CTNNAL1: variants seen among roughly 807,000 people sequenced by gnomAD.
CTNNAL1 encodes the protein catenin alpha like 1.
CTNNAL1 carries 69 observed loss-of-function variants against 93.6 expected under a neutral mutation model. The observed-to-expected ratio is 0.74, with a 90% CI of 0.61 to 0.90. The LOEUF is 0.90. Among genes scored for constraint, CTNNAL1 ranks in the 40% least tolerant of loss-of-function variants. The pLI, the probability that CTNNAL1 is intolerant of heterozygous loss-of-function variation, is 0.00. For synonymous variants in CTNNAL1, 286 were observed against 305.4 expected, an observed-to-expected ratio of 0.94 and a Z score of 0.66; for missense variants, 836 against 862.0, an observed-to-expected ratio of 0.97 and a Z score of 0.38.
chr9:108,973,897 G>A (rs1169787515), intron 8 of CTNNAL1, among the ~76,000 whole-genome samples: 1 of 152,092 alleles, frequency 6.6e-6, no homozygotes, highest in Non-Finnish European at 1.5e-5. Context: ...GCAACTAAGT[G>A]AGAATAATTA....
intron 14 of CTNNAL1, among the ~76,000 whole-genome samples, chr9:108,949,297 A>G (rs1161350823): frequency 2.0e-5 from 3 of 152,180 alleles, no homozygotes; most frequent in Admixed American, 6.5e-5. Flanking sequence ...GCAACCCCTC[A>G]TGTTTCCCAG....
At chr9:108,972,959 A>G in intron 8 of CTNNAL1, 126 bp from the exon 9 acceptor site, 2 of 1,181,574 alleles carry the variant, frequency 1.7e-6, no homozygotes, top group Non-Finnish European at 2.3e-6. Context: ...CTATTAATAA[A>G]GAGAAGCCGC....
chr9:108,953,843 CAG>C (rs111992866), intron 12 of CTNNAL1, among the ~76,000 whole-genome samples: 32 of 151,764 alleles, frequency 2.1e-4, no homozygotes, highest in African/African-American at 6.8e-4. Flanking sequence ...GAGACAAAGA[CAG>C]AGAGAGAGAG....
intron 2 of CTNNAL1, among the ~76,000 whole-genome samples, chr9:108,998,733 T>A (rs991626070): frequency 1.3e-5 from 2 of 152,214 alleles, no homozygotes; most frequent in Non-Finnish European, 2.9e-5. Context: ...TGGATACTAA[T>A]GCTTATTTCC....
chr9:108,965,271 A>G, intron 11 of CTNNAL1, 107 bp downstream of exon 11: 1 of 928,840 alleles, frequency 1.1e-6, no homozygotes, highest in African/African-American at 1.7e-5. Context: ...AAAATAACCC[A>G]GCTGGGTTAC....
In CTNNAL1 at chr9:109,013,418, C is replaced by T. The variant is rs756612898; in HGVS notation, c.25G>A (p.Gly9Ser). 7.8e-5 allele frequency: 116 copies of T among 1,485,322 alleles called. No homozygotes were observed. Among genetic ancestry groups the T allele is most frequent in the Admixed American group, 1.9e-4 (8 of 41,608 alleles). The allele number at this position is 1,485,322 out of a possible 1,614,324, so 92.0% of individuals were successfully genotyped here. Residue 9 changes from glycine to serine, a missense_variant, in exon 1 of 19, where the codon GGC (glycine) becomes AGC (serine). Transcript: ENST00000325551. The part of the protein sequence containing the change: MAASPGPA[G>S]VGGAGAVYGS... ...TAGACTGCTCCGGCGCCGCCAACGCCGGCGGGTCCGGGAGAGGCGGCCATG... is the reference window on the plus strand; with the variant it reads ...TAGACTGCTCCGGCGCCGCCAACGCTGGCGGGTCCGGGAGAGGCGGCCATG...
chr9:108,948,230 C>G lies in CTNNAL1; in HGVS notation c.1840G>C (p.Glu614Gln). 1 of 1,611,308 alleles carries G rather than the reference C, an allele frequency of 6.2e-7. No individual in the cohort carries two copies. Among genetic ancestry groups the G allele is most frequent in the Non-Finnish European group, 8.5e-7 (1 of 1,179,338 alleles). Residue 614 changes from glutamate (E) to glutamine (Q), a missense_variant, in exon 15 of 19, where the codon GAG (glutamate) becomes CAG (glutamine). Glu to Gln is a conservative substitution (Grantham distance 29). Coordinates refer to ENST00000325551, the MANE Select transcript of CTNNAL1 (RefSeq NM_003798.4). The part of the protein sequence containing the change: ...AYSLYLFTRG[E>Q]GPLKTSQDLI... ...TCCTGGGAAGTTTTCAGTGGCCCCT[C>G]TCCTCTAAAATAAAATTAATTGTTA...
intron 4 of CTNNAL1, among the ~76,000 whole-genome samples, chr9:108,985,264 T>C (rs1326245125): frequency 6.6e-6 from 1 of 152,208 alleles, no homozygotes; most frequent in Non-Finnish European, 1.5e-5. Context: ...AATTCTGTCA[T>C]TGTAGTGTGA....
intron 15 of CTNNAL1, among the ~76,000 whole-genome samples, chr9:108,944,450 A>G (rs948214727): frequency 3.9e-5 from 6 of 152,188 alleles, no homozygotes; most frequent in African/African-American, 1.4e-4. Flanking sequence ...TGTCACCCAT[A>G]CATATTCCAT....
rs574914519 is a variant in CTNNAL1 at position 108,989,798 on chromosome 9, C to T, written c.639+928G>A. ...GGCACGGTGATTCACGCCTGTAATC[C>T]CAGCACTTTGGGAGGCTGAGGCGGG... On this transcript the variant is annotated intron_variant, in intron 4 of 18. Transcript: ENST00000325551. 2.0e-3 allele frequency among the ~76,000 whole-genome samples: 304 copies of T among 152,268 alleles called. 2 individuals are homozygous for T. Among genetic ancestry groups the T allele is most frequent in the Non-Finnish European group, 2.6e-3 (178 of 68,028 alleles).
At chr9:108,950,896 T>A (rs990642786) in intron 14 of CTNNAL1, among the ~76,000 whole-genome samples, 15 of 152,218 alleles carry the variant, frequency 9.9e-5, no homozygotes, top group African/African-American at 3.6e-4. Context: ...GGACATAAAG[T>A]ACTTTCTCCA....
chr9:108,958,364 G>A (rs1830738639), intron 11 of CTNNAL1, among the ~76,000 whole-genome samples: 1 of 152,114 alleles, frequency 6.6e-6, no homozygotes, highest in African/African-American at 2.4e-5. Context: ...TAAATCCAAT[G>A]AAAAGAAAGC....
intron 9 of CTNNAL1, among the ~76,000 whole-genome samples, chr9:108,972,397 C>T (rs146270511): frequency 1.7e-4 from 26 of 152,226 alleles, no homozygotes; most frequent in Admixed American, 3.3e-4. Flanking sequence ...GGTCATACGA[C>T]GTACCTCCAT....
chr9:108,950,752 TCC>T, intron 14 of CTNNAL1: 1 of 942,098 alleles, frequency 1.1e-6, no homozygotes, highest in Non-Finnish European at 1.5e-6. Context: ...CTTTCTTTTC[TCC>T]TTTTTCTCTT....
chr9:108,965,415 C>T lies in CTNNAL1; in HGVS notation c.1554G>A (p.Leu518=). 1 of 1,574,560 alleles carries T rather than the reference C, an allele frequency of 6.4e-7. No homozygotes were observed. Among genetic ancestry groups the T allele is most frequent in the Non-Finnish European group, 8.6e-7 (1 of 1,161,218 alleles). Reference sequence around the variant, plus strand: ...CAAACACGTCATTGATTTCTCTCAGCAGTGTTGACATGTCACTAATTTGGG... The same window carrying T: ...CAAACACGTCATTGATTTCTCTCAGTAGTGTTGACATGTCACTAATTTGGG... ...WESQISDMST[L]LREINDVFEG... is the part of the protein sequence containing the mutation. Residue 518 remains leucine, a synonymous_variant, in exon 11 of 19, where the codon CTG becomes CTA. Coordinates refer to ENST00000325551, the MANE Select transcript of CTNNAL1 (RefSeq NM_003798.4).
At chr9:108,972,864 G>GGGGGGGGGGGGGGGCCCCCCCCCC in intron 8 of CTNNAL1, 31 bp from the exon 9 acceptor site, 11 of 142,510 alleles carry the variant, frequency 7.7e-5, no homozygotes, top group East Asian at 2.2e-4. Flanking sequence ...GGGGGGGTGG[G>GGGGGGGGGGGGGGGCCCCCCCCCC]AGGGTGGAGA....
At chr9:108,989,348 G>A (rs1378960544) in intron 4 of CTNNAL1, among the ~76,000 whole-genome samples, 1 of 151,980 alleles carries the variant, frequency 6.6e-6, no homozygotes, top group East Asian at 1.9e-4. Flanking sequence ...GGGAGAATGA[G>A]GAGAAGAAGG....
At chr9:108,968,817 G>A (rs1587959408) in intron 10 of CTNNAL1, among the ~76,000 whole-genome samples, 1 of 152,086 alleles carries the variant, frequency 6.6e-6, no homozygotes, top group East Asian at 1.9e-4. Context: ...AAGATGCAGG[G>A]ACTCAACCTC....
intron 11 of CTNNAL1, among the ~76,000 whole-genome samples, chr9:108,962,344 T>C (rs1830840186): frequency 6.6e-6 from 1 of 152,330 alleles, no homozygotes; most frequent in African/African-American, 2.4e-5. Flanking sequence ...ACAAAGACCC[T>C]AGTAGCCTGT....
Sources: gnomAD v4.1 joint callset for allele counts (sites outside exome capture counted in the v4.1 genomes callset) on GRCh38, gnomAD v4.1.1 for gene constraint, MANE v1.5 for transcripts, NCBI Gene and HGNC (gene_info 2026-07-23, HGNC 2026-07-21) for gene names.